The following GABRB1 variants were observed in gnomAD, a reference collection of about 807,000 sequenced individuals.
The protein encoded by GABRB1 is gamma-aminobutyric acid receptor subunit beta-1.
In GABRB1, 17 loss-of-function variants were observed where a neutral mutation model predicts 51.6. The ratio of observed to expected loss-of-function variants is 0.33; its 90% CI spans 0.23 to 0.49. GABRB1 has a LOEUF of 0.49. Ranked by LOEUF, GABRB1 falls within the 20% of genes least tolerant of loss-of-function variation. The probability of loss-of-function intolerance (pLI) is 0.99; values close to 1 mark genes in which losing one functional copy is unlikely to be tolerated. For synonymous variants in GABRB1, 247 were observed against 218.9 expected (o/e 1.13, Z -1.14); for missense variants, 410 against 600.6 (o/e 0.68, Z 3.32).
At chr4:47,326,330 A>G (rs1253819586) in intron 5 of GABRB1, among the ~76,000 whole-genome samples, 2 of 152,190 alleles carry the variant, frequency 1.3e-5, no homozygotes, top group East Asian at 1.9e-4. Flanking sequence ...TTATCTCATC[A>G]TGCAGGCATT....
intron 4 of GABRB1, among the ~76,000 whole-genome samples, chr4:47,280,539 G>C (rs1278470318): frequency 6.7e-6 from 1 of 150,232 alleles, no homozygotes; most frequent in Non-Finnish European, 1.5e-5. Context: ...CACCTTCAAG[G>C]GTTCCTTTCT....
At chr4:47,230,345 A>T (rs966930674) in intron 4 of GABRB1, among the ~76,000 whole-genome samples, 9 of 152,102 alleles carry the variant, frequency 5.9e-5, no homozygotes, top group Non-Finnish European at 1.0e-4. Flanking sequence ...CAGAGCTGAG[A>T]TTACAAGGTC....
intron 5 of GABRB1, among the ~76,000 whole-genome samples, chr4:47,323,658 C>G (rs936285694): frequency 1.3e-5 from 2 of 152,102 alleles, no homozygotes; most frequent in African/African-American, 4.8e-5. Context: ...ACGTTTGTGA[C>G]CAACAGAGTG....
At chr4:47,300,585 T>C (rs1724221346) in intron 4 of GABRB1, among the ~76,000 whole-genome samples, 1 of 152,174 alleles carries the variant, frequency 6.6e-6, no homozygotes, top group African/African-American at 2.4e-5. Flanking sequence ...TAATGTAATT[T>C]GTCAATGCTC....
At chr4:47,210,763 A>G (rs1353590740) in intron 4 of GABRB1, among the ~76,000 whole-genome samples, 1 of 152,188 alleles carries the variant, frequency 6.6e-6, no homozygotes, top group Non-Finnish European at 1.5e-5. Context: ...TTAAAGACAT[A>G]GAGAAAATGA....
intron 3 of GABRB1, among the ~76,000 whole-genome samples, chr4:47,157,410 C>T (rs1371454864): frequency 6.6e-6 from 1 of 152,058 alleles, no homozygotes; most frequent in African/African-American, 2.4e-5. Context: ...TTCTTTTCTA[C>T]CTAAAAATAG....
chr4:47,276,552 C>A (rs1441060954), intron 4 of GABRB1, among the ~76,000 whole-genome samples: 5 of 152,066 alleles, frequency 3.3e-5, no homozygotes. Flanking sequence ...CCTTTTTATA[C>A]ACTTTCACTT....
At chr4:47,085,594 C>A (rs1262852726) in intron 3 of GABRB1, among the ~76,000 whole-genome samples, 1 of 152,140 alleles carries the variant, frequency 6.6e-6, no homozygotes, top group Non-Finnish European at 1.5e-5. Context: ...AATCTCACTT[C>A]TCAACAGAGC....
At chr4:47,123,934 T>G (rs1178816785) in intron 3 of GABRB1, among the ~76,000 whole-genome samples, 2 of 109,552 alleles carry the variant, frequency 1.8e-5, no homozygotes, top group Non-Finnish European at 3.5e-5. Flanking sequence ...TATAATATAT[T>G]ATATATATTA....
chr4:47,421,807 C>T (rs1160846157), intron 8 of GABRB1, among the ~76,000 whole-genome samples: 1 of 152,032 alleles, frequency 6.6e-6, no homozygotes, highest in African/African-American at 2.4e-5. Context: ...AAACTTGTCC[C>T]TCCCAATATT....
intron 3 of GABRB1, among the ~76,000 whole-genome samples, chr4:47,096,384 C>G (rs2109597349): frequency 6.6e-6 from 1 of 152,240 alleles, no homozygotes; most frequent in East Asian, 1.9e-4. Flanking sequence ...AAGCCGATCC[C>G]TGCAAAGTGT....
intron 4 of GABRB1, among the ~76,000 whole-genome samples, chr4:47,276,863 G>C (rs1723095422): frequency 6.6e-6 from 1 of 151,972 alleles, no homozygotes; most frequent in South Asian, 2.1e-4. Context: ...ACAATCAAAA[G>C]TGTCTACAGA....
At chr4:47,008,854 T>TTTTTTTTTTTA (rs1724497745) in intron 1 of GABRB1, among the ~76,000 whole-genome samples, 1 of 62,536 alleles carries the variant, frequency 1.6e-5, no homozygotes, top group Admixed American at 1.5e-4. Flanking sequence ...AGATACTACC[T>TTTTTTTTTTTA]TTTTTTTTTT....
At chr4:47,130,650 A>G (rs1716373111) in intron 3 of GABRB1, among the ~76,000 whole-genome samples, 2 of 152,014 alleles carry the variant, frequency 1.3e-5, no homozygotes, top group South Asian at 2.1e-4. Context: ...GACCCTTATT[A>G]CATTTGTAAT....
At chr4:47,261,867 A>G (rs1162931700) in intron 4 of GABRB1, among the ~76,000 whole-genome samples, 2 of 152,234 alleles carry the variant, frequency 1.3e-5, no homozygotes, top group Non-Finnish European at 1.5e-5. Context: ...GGAAGAGAAC[A>G]GAGCCCTCAG....
intron 4 of GABRB1, among the ~76,000 whole-genome samples, chr4:47,304,503 G>C (rs1380964954): frequency 6.6e-6 from 1 of 151,922 alleles, no homozygotes; most frequent in Non-Finnish European, 1.5e-5. Flanking sequence ...CTATTGATTT[G>C]TATGAGTTTC....
chr4:47,326,151 T>G (rs1578096151), intron 5 of GABRB1, among the ~76,000 whole-genome samples: 1 of 152,216 alleles, frequency 6.6e-6, no homozygotes, highest in Admixed American at 6.6e-5. Context: ...CACATGTATA[T>G]GCTGTCTATA....
At chr4:47,026,633 T>C (rs1725105307), upstream of GABRB1, among the ~76,000 whole-genome samples, 1 of 151,992 alleles carries the variant, frequency 6.6e-6, no homozygotes. Context: ...GGCACAACAC[T>C]GCAAATCAGG....
At chr4:47,359,341 C>T (rs1398333714) in intron 5 of GABRB1, among the ~76,000 whole-genome samples, 1 of 152,074 alleles carries the variant, frequency 6.6e-6, no homozygotes, top group Non-Finnish European at 1.5e-5. Context: ...GAAAAGCTGC[C>T]TTAACTCTTG....
Sources: gnomAD v4.1 joint callset for allele counts (sites outside exome capture counted in the v4.1 genomes callset) on GRCh38, gnomAD v4.1.1 for gene constraint, MANE v1.5 for transcripts, NCBI Gene and HGNC (gene_info 2026-07-23, HGNC 2026-07-21) for gene names.